Variants in IGSF21 observed in about 807,000 individuals in gnomAD.
IGSF21 encodes the protein immunoglobin superfamily member 21.
In IGSF21, 28 loss-of-function variants were observed where a neutral mutation model predicts 46.8. The ratio of observed to expected loss-of-function variants is 0.60; its 90% confidence interval spans 0.44 to 0.82. IGSF21 has a LOEUF of 0.82. Ranked by LOEUF, IGSF21 falls within the 40% of genes least tolerant of loss-of-function variation. The probability of loss-of-function intolerance (pLI) is 0.00; values close to 1 mark genes in which losing one functional copy is unlikely to be tolerated. For synonymous variants in IGSF21, 284 were observed against 273.6 expected (o/e 1.04, Z -0.38); for missense variants, 624 against 665.5 (o/e 0.94, Z 0.69).
chr1:18,282,494 A>C (rs184051331), intron 2 of IGSF21, among the ~76,000 whole-genome samples: 1 of 152,042 alleles, frequency 6.6e-6, no homozygotes, highest in African/African-American at 2.4e-5. Flanking sequence ...GCTCCCATGC[A>C]TGTGTCTGAT....
intron 6 of IGSF21, among the ~76,000 whole-genome samples, chr1:18,374,406 G>C (rs532464619): frequency 6.6e-6 from 1 of 152,172 alleles, no homozygotes; most frequent in African/African-American, 2.4e-5. Context: ...ACGGCCCCGC[G>C]TGTTAGGCAA....
intron 1 of IGSF21, among the ~76,000 whole-genome samples, chr1:18,130,573 A>G (rs2086309775): frequency 6.6e-6 from 1 of 152,060 alleles, no homozygotes. Context: ...CATTAGCCCC[A>G]TTTTCAGGAT....
chr1:18,145,556 A>G (rs9729186), intron 1 of IGSF21, among the ~76,000 whole-genome samples: 6 of 151,748 alleles, frequency 4.0e-5, no homozygotes, highest in African/African-American at 1.5e-4. Flanking sequence ...CAGAGAGTCC[A>G]GGGGGTGACC....
At chr1:18,375,547 T>C (rs751650209) in intron 6 of IGSF21, among the ~76,000 whole-genome samples, 57 of 152,122 alleles carry the variant, frequency 3.7e-4, no homozygotes, top group Non-Finnish European at 7.2e-4. Flanking sequence ...AGCTCAGAGA[T>C]ACAAAGGGAC....
At chr1:18,310,032 C>T (rs1021587371) in intron 3 of IGSF21, among the ~76,000 whole-genome samples, 3 of 152,170 alleles carry the variant, frequency 2.0e-5, no homozygotes, top group Admixed American at 6.5e-5. Flanking sequence ...TCCCTTTACA[C>T]ACCACTAAAG....
intron 2 of IGSF21, among the ~76,000 whole-genome samples, chr1:18,229,930 C>G (rs1475971580): frequency 1.3e-5 from 2 of 152,192 alleles, no homozygotes; most frequent in Non-Finnish European, 2.9e-5. Context: ...TGGTGAAAGA[C>G]AGATAGAAAT....
At chr1:18,318,940 G>A (rs987580257) in intron 3 of IGSF21, among the ~76,000 whole-genome samples, 2 of 152,124 alleles carry the variant, frequency 1.3e-5, no homozygotes, top group Admixed American at 1.3e-4. Flanking sequence ...AATAATGGCT[G>A]GATTTAAACC....
intron 2 of IGSF21, among the ~76,000 whole-genome samples, chr1:18,261,400 A>C (rs1268101630): frequency 6.6e-6 from 1 of 152,100 alleles, no homozygotes; most frequent in Non-Finnish European, 1.5e-5. Flanking sequence ...GATGGAAGGA[A>C]CTTTCCATAA....
At chr1:18,304,872 C>T (rs1289432612) in intron 3 of IGSF21, among the ~76,000 whole-genome samples, 3 of 152,204 alleles carry the variant, frequency 2.0e-5, no homozygotes, top group Non-Finnish European at 4.4e-5. Flanking sequence ...AGGAAAGACC[C>T]AATTTAGTAA....
At chr1:18,158,928 C>T (rs758972212) in intron 1 of IGSF21, among the ~76,000 whole-genome samples, 8 of 152,170 alleles carry the variant, frequency 5.3e-5, no homozygotes, top group African/African-American at 9.7e-5. Flanking sequence ...TGGAGATGGG[C>T]GTTACCCCCA....
At chr1:18,235,305 C>G (rs1377187283) in intron 2 of IGSF21, among the ~76,000 whole-genome samples, 1 of 152,180 alleles carries the variant, frequency 6.6e-6, no homozygotes, top group Non-Finnish European at 1.5e-5. Context: ...CAGGATGGTT[C>G]TAGGCACTGG....
chr1:18,266,275 C>A lies in IGSF21; in HGVS notation c.184-25591C>A, dbSNP rs188540402. Among the ~76,000 whole-genome samples, 4 of 152,138 alleles carry A rather than the reference C, an allele frequency of 2.6e-5. 1 individual carries two copies. In the South Asian group the frequency reaches 8.3e-4, roughly 32 times the overall value. On this transcript the variant is annotated intron_variant, in intron 2 of 9. Transcript: ENST00000251296. ...GGTAACTTGTTCCAGGCCACACAGC[C>A]AGTATATGGTAGAGCCAGGAGCTGA...
At chr1:18,200,509 T>G (rs556911293) in intron 1 of IGSF21, among the ~76,000 whole-genome samples, 1 of 152,290 alleles carries the variant, frequency 6.6e-6, no homozygotes, top group Admixed American at 6.5e-5. Context: ...TGGTGTTTGG[T>G]GTTCCTGGGC....
chr1:18,215,628 C>G (rs1395787635), intron 1 of IGSF21, among the ~76,000 whole-genome samples: 1 of 152,120 alleles, frequency 6.6e-6, no homozygotes, highest in Admixed American at 6.5e-5. Context: ...ACCCAGTGGC[C>G]CGATGCAGCC....
intron 2 of IGSF21, among the ~76,000 whole-genome samples, chr1:18,264,537 C>T (rs2084974085): frequency 6.6e-6 from 1 of 152,134 alleles, no homozygotes; most frequent in African/African-American, 2.4e-5. Flanking sequence ...GAGCCCAGAG[C>T]AGGGATTATT....
At chr1:18,187,090 T>C (rs2086910257) in intron 1 of IGSF21, among the ~76,000 whole-genome samples, 1 of 152,178 alleles carries the variant, frequency 6.6e-6, no homozygotes, top group South Asian at 2.1e-4. Context: ...ATTTTTTTTT[T>C]TCTCACAGTT....
chr1:18,127,760 T>C (rs1014354468), intron 1 of IGSF21, among the ~76,000 whole-genome samples: 3 of 152,048 alleles, frequency 2.0e-5, no homozygotes, highest in African/African-American at 7.3e-5. Flanking sequence ...AAGAATAAAA[T>C]TAGCCGGGCA....
At position 18,192,876 on chromosome 1, in the gene IGSF21, G is replaced by A. The variant is rs544655473; in HGVS notation, c.71-35022G>A. ...TGAAAGACATAAAATGCAGTGGGCCGATTCAATTCGTTTATTCGACACATA... is the reference window on the plus strand; with the variant it reads ...TGAAAGACATAAAATGCAGTGGGCCAATTCAATTCGTTTATTCGACACATA... On this transcript the variant is annotated intron_variant, in intron 1 of 9. Transcript: ENST00000251296. 5.9e-5 allele frequency among the ~76,000 whole-genome samples: 9 copies of A among 152,152 alleles called. No homozygotes were observed. The South Asian group carries it at 1.7e-3, about 28-fold the overall frequency.
intron 2 of IGSF21, among the ~76,000 whole-genome samples, chr1:18,279,106 A>G (rs940327134): frequency 3.3e-5 from 5 of 152,210 alleles, no homozygotes; most frequent in Non-Finnish European, 7.3e-5. Context: ...GGGACGTGGC[A>G]GGAAGCAACT....
Sources: gnomAD v4.1 joint callset for allele counts (sites outside exome capture counted in the v4.1 genomes callset) on GRCh38, gnomAD v4.1.1 for gene constraint, MANE v1.5 for transcripts, NCBI Gene and HGNC (gene_info 2026-07-23, HGNC 2026-07-21) for gene names.